KLF12: variants seen among roughly 807,000 people sequenced by gnomAD.
KLF12 encodes the protein KLF transcription factor 12.
A neutral mutation model predicts 37.8 loss-of-function variants in KLF12; 9 were observed. The observed-to-expected ratio is 0.24, with a 90% CI of 0.14 to 0.42. KLF12 has a LOEUF of 0.42. Among genes scored for constraint, KLF12 ranks in the 10% least tolerant of loss-of-function variants. The pLI, the probability that KLF12 is intolerant of heterozygous loss-of-function variation, is 1.00. For missense variants in KLF12, 411 were observed against 516.0 expected (o/e 0.80, Z 1.97); for synonymous variants, 208 against 202.1 (o/e 1.03, Z -0.25).
the KLF12 span, among the ~76,000 whole-genome samples, chr13:74,234,275 A>G: frequency 2.6e-5 from 4 of 152,238 alleles, no homozygotes; most frequent in African/African-American, 4.8e-5. Flanking sequence ...GCATGTTCAG[A>G]TGATTCTCTG....
At chr13:74,269,174 C>T in the KLF12 span, among the ~76,000 whole-genome samples, 3 of 152,050 alleles carry the variant, frequency 2.0e-5, no homozygotes, top group African/African-American at 2.4e-5. Context: ...GCTTTTGTGC[C>T]GGCTGATGGC....
At chr13:73,798,045 C>T (rs1326597642) in intron 5 of KLF12, among the ~76,000 whole-genome samples, 1 of 151,948 alleles carries the variant, frequency 6.6e-6, no homozygotes, top group Non-Finnish European at 1.5e-5. Context: ...TGTATGAAAC[C>T]CCAAATTTGT....
intron 7 of KLF12, among the ~76,000 whole-genome samples, chr13:73,700,423 C>G (rs1172046301): frequency 6.6e-6 from 1 of 151,528 alleles, no homozygotes; most frequent in African/African-American, 2.4e-5. Flanking sequence ...TATCAGAAAA[C>G]AGTAATTTAA....
At chr13:74,195,690 C>T in the KLF12 span, among the ~76,000 whole-genome samples, 1 of 151,278 alleles carries the variant, frequency 6.6e-6, no homozygotes, top group Non-Finnish European at 1.5e-5. Flanking sequence ...CCTCCACCTC[C>T]TGGGTTCAAG....
chr13:73,857,549 A>G (rs2138773088), intron 3 of KLF12, among the ~76,000 whole-genome samples: 1 of 152,340 alleles, frequency 6.6e-6, no homozygotes, highest in East Asian at 1.9e-4. Context: ...TATACATTCT[A>G]GTTGGTTACA....
intron 3 of KLF12, among the ~76,000 whole-genome samples, chr13:73,916,218 CACA>C (rs763815998): frequency 2.7e-4 from 39 of 143,234 alleles, no homozygotes; most frequent in Admixed American, 1.1e-3. Context: ...TACACACACA[CACA>C]CACACACACA....
intron 1 of KLF12, among the ~76,000 whole-genome samples, chr13:74,063,233 C>G (rs1873714419): frequency 6.6e-6 from 1 of 152,162 alleles, no homozygotes; most frequent in African/African-American, 2.4e-5. Context: ...CCACCATCCT[C>G]TAATATGAAT....
intron 6 of KLF12, among the ~76,000 whole-genome samples, chr13:73,726,903 C>T (rs989897356): frequency 6.6e-6 from 1 of 152,154 alleles, no homozygotes; most frequent in Non-Finnish European, 1.5e-5. Flanking sequence ...TATAATTTAA[C>T]CAGTATTGTG....
intron 1 of KLF12, among the ~76,000 whole-genome samples, chr13:74,024,942 T>G (rs545425177): frequency 1.3e-5 from 2 of 152,308 alleles, no homozygotes; most frequent in South Asian, 4.1e-4. Flanking sequence ...CTAACTATGT[T>G]AAGTTCTCAA....
chr13:73,801,134 T>C (rs967146387), intron 5 of KLF12: 1 of 152,156 alleles, frequency 6.6e-6, no homozygotes, highest in Non-Finnish European at 1.5e-5. Flanking sequence ...GATTTTTCTA[T>C]ACAGCAGCAG....
the KLF12 span, among the ~76,000 whole-genome samples, chr13:74,197,930 TA>T: frequency 4.0e-5 from 6 of 151,866 alleles, no homozygotes; most frequent in South Asian, 2.1e-4. Context: ...AAAGCCAACT[TA>T]AAAAAAATTT....
chr13:73,911,269 T>C (rs1041058972), intron 3 of KLF12, among the ~76,000 whole-genome samples: 12 of 152,074 alleles, frequency 7.9e-5, no homozygotes, highest in African/African-American at 2.9e-4. Context: ...TAAAAATAAA[T>C]AGTTAATAAG....
At chr13:74,300,039 G>GA in the KLF12 span, among the ~76,000 whole-genome samples, 1,229 of 150,170 alleles carry the variant, frequency 8.2e-3, 8 homozygotes, top group Non-Finnish European at 0.011. Context: ...ATCCCTAATG[G>GA]AAAAAAAAAC....
the KLF12 span, among the ~76,000 whole-genome samples, chr13:74,241,960 G>A: frequency 2.6e-5 from 4 of 152,148 alleles, no homozygotes; most frequent in African/African-American, 9.7e-5. Context: ...GGCCATCTTG[G>A]CTCCTCCCCC....
At chr13:73,837,182 G>A (rs887483109) in intron 4 of KLF12, among the ~76,000 whole-genome samples, 3 of 152,030 alleles carry the variant, frequency 2.0e-5, no homozygotes, top group African/African-American at 7.3e-5. Flanking sequence ...AGGGAGGTGG[G>A]AGGAGCTAAT....
chr13:73,942,012 T>A (rs956928068), intron 3 of KLF12, among the ~76,000 whole-genome samples: 2 of 152,068 alleles, frequency 1.3e-5, no homozygotes, highest in Non-Finnish European at 2.9e-5. Context: ...ACAAAAAAAA[T>A]GCTTTCTATA....
At chr13:74,188,869 C>T in the KLF12 span, among the ~76,000 whole-genome samples, 13 of 152,080 alleles carry the variant, frequency 8.5e-5, no homozygotes, top group East Asian at 7.8e-4. Context: ...TGGTGGTGCG[C>T]GCCTGTAATC....
intron 1 of KLF12, among the ~76,000 whole-genome samples, chr13:73,995,419 C>T (rs1892084221): frequency 6.6e-6 from 1 of 152,156 alleles, no homozygotes; most frequent in African/African-American, 2.4e-5. Flanking sequence ...AGTAAATTTC[C>T]TGTATAAAAG....
intron 5 of KLF12, among the ~76,000 whole-genome samples, chr13:73,784,399 T>C (rs1382209865): frequency 6.6e-6 from 1 of 152,128 alleles, no homozygotes; most frequent in East Asian, 1.9e-4. Context: ...TCTATAAACC[T>C]TTCTCTCCAG....
Sources: allele counts gnomAD v4.1 joint callset (sites outside exome capture counted in the v4.1 genomes callset), GRCh38; gene constraint gnomAD v4.1.1; transcripts MANE v1.5; gene names NCBI Gene and HGNC (gene_info 2026-07-23, HGNC 2026-07-21).